BAZ2A: variants seen among roughly 807,000 people sequenced by gnomAD.
BAZ2A encodes the protein bromodomain adjacent to zinc finger domain protein 2A.
In BAZ2A, 34 loss-of-function variants were observed where a neutral mutation model predicts 199.9. The observed-to-expected ratio is 0.17, with a 90% CI of 0.13 to 0.23. BAZ2A has a LOEUF of 0.23. Ranked by LOEUF, BAZ2A falls within the 10% of genes least tolerant of loss-of-function variation. The probability of loss-of-function intolerance (pLI) is 1.00; values close to 1 mark genes in which losing one functional copy is unlikely to be tolerated. For synonymous variants in BAZ2A, 857 were observed against 883.9 expected (o/e 0.97, Z 0.54); for missense variants, 2,002 against 2,391.1 (o/e 0.84, Z 3.39).
Position 56,597,698 on chromosome 12 carries a change from A to G in BAZ2A, c.*920T>C, listed in dbSNP as rs1007397419. On this transcript the variant is annotated 3_prime_UTR_variant, in exon 29 of 29. Transcript: ENST00000549884. The stretch of plus-strand genomic sequence containing the variant: ...CAGCGCTCTCTCTGAGGCCGGCCCC[A>G]TTGCTACCTGGCCTCCATCTTAGGG... 2 of 148,034 alleles carry G rather than the reference A, an allele frequency of 1.4e-5. No individual in the cohort carries two copies. Among genetic ancestry groups the G allele is most frequent in the Admixed American group, 6.7e-5 (1 of 14,818 alleles). The allele number at this position is 148,034 out of a possible 1,614,324, so 9.2% of individuals were successfully genotyped here.
intron 1 of BAZ2A, among the ~76,000 whole-genome samples, chr12:56,620,780 T>C (rs1449973896): frequency 6.6e-6 from 1 of 152,102 alleles, no homozygotes; most frequent in African/African-American, 2.4e-5. Context: ...AGGCTGGTCT[T>C]GAATTCCTGA....
chr12:56,623,223 G>C (rs1044248067), intron 1 of BAZ2A, among the ~76,000 whole-genome samples: 6 of 150,992 alleles, frequency 4.0e-5, no homozygotes, highest in Admixed American at 4.0e-4. Flanking sequence ...GCGACAGAGC[G>C]AGACTCCATC....
rs1443012986 is a variant in BAZ2A, at chr12:56,605,584, G to A, written c.2493+246C>T. 8.2e-6 allele frequency: 5 copies of A among 609,538 alleles called. 1 individual carries two copies. In the East Asian group the frequency reaches 1.2e-4, roughly 14 times the overall value. The allele number at this position is 609,538 out of a possible 1,614,324, so 37.8% of individuals were successfully genotyped here. A position where few individuals can be genotyped will look rare whatever the true frequency, so the allele number is the denominator to read the frequency against. On this transcript the variant is annotated intron_variant, in intron 13 of 28. Transcript: ENST00000549884. ...CTACAGGTACATGCCACCACACCCAGCTAATTTTCGTATTTTTTGTAGAGA... is the reference window on the plus strand; with the variant it reads ...CTACAGGTACATGCCACCACACCCAACTAATTTTCGTATTTTTTGTAGAGA...
chr12:56,604,771 G>A lies in BAZ2A; in HGVS notation c.2777C>T (p.Ser926Phe). 1 of 1,613,846 alleles carries A rather than the reference G, an allele frequency of 6.2e-7. No individual in the cohort carries two copies. The highest frequency in any genetic ancestry group is 2.2e-5 in the East Asian group (1 of 44,882). Reference protein sequence around the residue: ...QSLKILGEKVSEIPLTRDNVS... With the variant: ...QSLKILGEKVFEIPLTRDNVS... ...ATTGTCTCTTGTCAGTGGGATCTCA[G>A]ACACCTTCTCCCCCAAGATCTTTAG... The change falls in exon 15 of 29, where the codon TCT becomes TTT. Residue 926 changes from serine (S) to phenylalanine (F), a missense_variant. Physicochemically the swap from Ser to Phe is radical, Grantham distance 155. Coordinates refer to ENST00000549884, the MANE Select transcript of BAZ2A (RefSeq NM_001300905.2).
rs1950247960 is a variant in BAZ2A, at chr12:56,603,560, A to G, written c.3179T>C (p.Ile1060Thr). Residue 1060 changes from isoleucine (I) to threonine (T), a missense_variant, in exon 17 of 29, where the codon ATA (isoleucine) becomes ACA (threonine). By Grantham distance (89) the Ile-to-Thr change is moderately conservative (BLOSUM62 -1). This residue lies in a region of BAZ2A where 1,081 missense variants were observed against 1,274.7 expected (regional missense o/e 0.85). Transcript: ENST00000549884. ...GMEEEEEEESIAAVPGRRGRR... is the reference protein window; with the variant it reads ...GMEEEEEEESTAAVPGRRGRR... ...ACCCCTGCGGCCAGGGACAGCTGCT[A>G]TAGACTCCTCTTCTTCCTCTTCTTC... 1 of 1,614,006 alleles carries G rather than the reference A, an allele frequency of 6.2e-7. No homozygotes were observed. Among genetic ancestry groups the G allele is most frequent in the Non-Finnish European group, 8.5e-7 (1 of 1,179,890 alleles).
chr12:56,632,463 A>C (rs1951339898), upstream of BAZ2A, among the ~76,000 whole-genome samples: 2 of 152,216 alleles, frequency 1.3e-5, no homozygotes, highest in South Asian at 4.1e-4. Context: ...TGCGCCCGTC[A>C]GACGGGTGTA....
At chr12:56,611,492 G>C in intron 7 of BAZ2A, 81 bp downstream of exon 7, 1 of 1,413,066 alleles carries the variant, frequency 7.1e-7, no homozygotes, top group East Asian at 2.3e-5. Flanking sequence ...CCACCTCAGA[G>C]GAAAAGAGGC....
intron 1 of BAZ2A, among the ~76,000 whole-genome samples, chr12:56,623,351 TA>T (rs1950982603): frequency 6.6e-6 from 1 of 152,158 alleles, no homozygotes; most frequent in Non-Finnish European, 1.5e-5. Context: ...CCTCTGAGGC[TA>T]CCCCCCAGGA....
intron 4 of BAZ2A, 49 bp downstream of exon 4, chr12:56,613,904 T>C: frequency 6.5e-7 from 1 of 1,549,492 alleles, no homozygotes. Context: ...CAGGTAAAGT[T>C]TGGCTACTCT....
At chr12:56,636,175 T>C in intron 1 of BAZ2A, 2 of 1,594,242 alleles carry the variant, frequency 1.3e-6, no homozygotes, top group South Asian at 1.1e-5. Context: ...CTGGTCCCCA[T>C]ACTCACCCAT....
upstream of BAZ2A, among the ~76,000 whole-genome samples, chr12:56,635,201 A>AC (rs1951419725): frequency 6.6e-6 from 1 of 150,866 alleles, no homozygotes; most frequent in African/African-American, 2.5e-5. This position sits in a 1 kb window ranked among gnomAD's most constrained non-coding sequence, Gnocchi z 4.1. Flanking sequence ...TGGGAGGAAG[A>AC]GAACGGATCC....
At chr12:56,617,566 T>C (rs1433785175) in intron 1 of BAZ2A, 34 bp from the exon 2 acceptor site, 1 of 1,586,274 alleles carries the variant, frequency 6.3e-7, no homozygotes. Context: ...AAAAAAATAC[T>C]GGCGGTTAAA....
At position 56,603,610 on chromosome 12, in the gene BAZ2A, C is replaced by T. The variant is rs1288003194; in HGVS notation, c.3129G>A (p.Arg1043=). 3.1e-6 allele frequency: 5 copies of T among 1,613,936 alleles called. No homozygotes were observed. The highest frequency in any genetic ancestry group is 4.2e-6 in the Non-Finnish European group (5 of 1,179,914). The change falls in exon 17 of 29, where the codon CGG becomes CGA. Residue 1043 remains arginine (R), a synonymous_variant. Coordinates refer to ENST00000549884, the MANE Select transcript of BAZ2A (RefSeq NM_001300905.2). ...EECLGRRRSS[R]IMEETSGMEE... ...CCATGCCACTGGTCTCCTCCATGAT[C>T]CGAGAACTGCGCCTCCGTCCCAGGC...
At position 56,630,270 on chromosome 12, in the gene BAZ2A, G is replaced by A. The variant is rs574844119; in HGVS notation, c.-148C>T. ...GTCCGGGGTTCGGGAAGGGGGAGGG[G>A]GACGCGGCTCAACCGCGGGGCCCGA... On this transcript the variant is annotated 5_prime_UTR_variant, in exon 1 of 29. Transcript: ENST00000549884. 80 of 983,990 alleles carry A rather than the reference G, an allele frequency of 8.1e-5. No homozygotes were observed. In the African/African-American group the frequency reaches 1.4e-3, roughly 17 times the overall value. 61.0% of individuals were successfully genotyped at this position (983,990 alleles called of 1,614,324 possible).
chr12:56,598,570 T>C lies in BAZ2A; in HGVS notation c.*48A>G. On this transcript the variant is annotated 3_prime_UTR_variant, in exon 29 of 29. Coordinates refer to ENST00000549884, the MANE Select transcript of BAZ2A (RefSeq NM_001300905.2). The stretch of plus-strand genomic sequence containing the variant: ...CAGGTGAAAATGGCAGGTTTTTGTT[T>C]GGAAGGTGGGGGGAGATGCCACAAG... 6.3e-7 allele frequency: 1 copy of C among 1,586,738 alleles called. No homozygotes were observed. Among genetic ancestry groups the C allele is most frequent in the Non-Finnish European group, 8.6e-7 (1 of 1,166,890 alleles).
upstream of BAZ2A, among the ~76,000 whole-genome samples, chr12:56,631,902 T>C (rs1951322227): frequency 6.6e-6 from 1 of 152,026 alleles, no homozygotes; most frequent in African/African-American, 2.4e-5. Context: ...ACTCCACCCC[T>C]CCACCCCCCC....
rs1301873457 is a variant in BAZ2A at position 56,596,069 on chromosome 12, T to G, written c.*2549A>C. 6.5e-6 allele frequency: 1 copy of G among 152,724 alleles called. No homozygotes were observed. The highest frequency in any genetic ancestry group is 1.5e-5 in the Non-Finnish European group (1 of 68,060). 9.5% of individuals were successfully genotyped at this position (152,724 alleles called of 1,614,324 possible). A position where few individuals can be genotyped will look rare whatever the true frequency, so the allele number is the denominator to read the frequency against. On this transcript the variant is annotated 3_prime_UTR_variant, in exon 29 of 29. Transcript: ENST00000549884. The stretch of plus-strand genomic sequence containing the variant: ...TTTTTAACCTTATTAAAAATGAGAT[T>G]GGTCCTAAAAATATAGAAAGAAATA...
At chr12:56,604,452 GTCCCAAGT>G in intron 15 of BAZ2A, 125 bp downstream of exon 15, 2 of 1,323,674 alleles carry the variant, frequency 1.5e-6, no homozygotes, top group Middle Eastern at 2.4e-4. Context: ...CTGCAATTCA[GTCCCAAGT>G]CATTCCAGCA....
Position 56,630,158 on chromosome 12 carries a change from C to T in BAZ2A, c.-36G>A, listed in dbSNP as rs1951259469. On this transcript the variant is annotated 5_prime_UTR_variant, in exon 1 of 29. Transcript: ENST00000549884. ...GCGGCGTCCAGCCGGGCTCGGGGCT[C>T]GTCTCTCCCCGGGGTACAAGCGGTT... 7 of 985,576 alleles carry T rather than the reference C, an allele frequency of 7.1e-6. No individual in the cohort carries two copies. The highest frequency in any genetic ancestry group is 4.7e-5 in the South Asian group (1 of 21,292). The allele number at this position is 985,576 out of a possible 1,614,324, so 61.1% of individuals were successfully genotyped here.
Sources: allele counts gnomAD v4.1 joint callset (sites outside exome capture counted in the v4.1 genomes callset), GRCh38; gene constraint gnomAD v4.1.1; regional missense constraint gnomAD v4.1.1; non-coding constraint Gnocchi (gnomAD v3.1); transcripts MANE v1.5; gene names NCBI Gene and HGNC (gene_info 2026-07-23, HGNC 2026-07-21).